The following ADGRL1 variants were observed in gnomAD, a reference collection of about 807,000 sequenced individuals.
The protein encoded by ADGRL1 is adhesion G protein-coupled receptor L1.
Under a neutral mutation model 148.9 loss-of-function variants are expected in ADGRL1, and 31 were observed. The ratio of observed to expected loss-of-function variants is 0.21; its 90% CI spans 0.16 to 0.28. The LOEUF (loss-of-function observed/expected upper bound fraction) is 0.28, where lower values mean the gene tolerates loss of function less well. Ranked by LOEUF, ADGRL1 falls within the 10% of genes least tolerant of loss-of-function variation. The probability of loss-of-function intolerance (pLI) is 1.00; values close to 1 mark genes in which losing one functional copy is unlikely to be tolerated. For missense variants in ADGRL1, 1,521 were observed against 2,058.8 expected (o/e 0.74, Z 5.05); for synonymous variants, 937 against 900.3 (o/e 1.04, Z -0.73).
rs766175127 is a variant in ADGRL1, at chr19:14,157,981, C to G, written c.2436G>C (p.Ser812=). The G allele has an allele frequency of 1.2e-6, 2 of 1,614,060 alleles. No individual in the cohort carries two copies. The highest frequency in any genetic ancestry group is 1.7e-6 in the Non-Finnish European group (2 of 1,180,032). Reference sequence around the variant, plus strand: ...ACTCCACCAGGCGGCAGCCTTGGGTCGACCAGTAGCCCAGCATGGAACGCT... The same window carrying G: ...ACTCCACCAGGCGGCAGCCTTGGGTGGACCAGTAGCCCAGCATGGAACGCT... ...YSERSMLGYW[S]TQGCRLVESN... Residue 812 remains serine (S), a synonymous_variant, in exon 13 of 23, where the codon TCG becomes TCC. Transcript: ENST00000361434. This position sits in a 1 kb window ranked among gnomAD's most constrained non-coding sequence, Gnocchi z 7.5.
At chr19:14,195,948 G>A (rs369443680) in intron 1 of ADGRL1, among the ~76,000 whole-genome samples, 36 of 152,158 alleles carry the variant, frequency 2.4e-4, no homozygotes, top group South Asian at 8.3e-4. Context: ...CTCAGGAACC[G>A]GACAGTCATC....
In ADGRL1 at chr19:14,161,606, G is replaced by A. The variant is rs998683021; in HGVS notation, c.1216C>T (p.Leu406Phe). 4 of 1,425,032 alleles carry A rather than the reference G, an allele frequency of 2.8e-6. No homozygotes were observed. Among genetic ancestry groups the A allele is most frequent in the South Asian group, 1.6e-5 (1 of 63,678 alleles). 88.3% of individuals were successfully genotyped at this position (1,425,032 alleles called of 1,614,324 possible). Reference sequence around the variant, plus strand: ...GGCCTGGCTGTGGTGGTCGTGCTGAGGGGTGGGGAAGTGGCTGGGCCTGGA... The same window carrying A: ...GGCCTGGCTGTGGTGGTCGTGCTGAAGGGTGGGGAAGTGGCTGGGCCTGGA... ...PSAGPATSPP[L>F]STTTTARPTP... The change falls in exon 6 of 23, where the codon CTC becomes TTC. Residue 406 changes from leucine (L) to phenylalanine (F), a missense_variant. By Grantham distance (22) the Leu-to-Phe change is conservative. Coordinates refer to ENST00000361434, the MANE Select transcript of ADGRL1 (RefSeq NM_014921.5). This position sits in a 1 kb window ranked among gnomAD's most constrained non-coding sequence, Gnocchi z 4.4.
intron 1 of ADGRL1, among the ~76,000 whole-genome samples, chr19:14,199,572 T>C (rs1972473184): frequency 6.6e-6 from 1 of 151,764 alleles, no homozygotes. Context: ...CCACAGGGCG[T>C]GTGCCACCGT....
chr19:14,205,051 G>A (rs543767156), intron 1 of ADGRL1, among the ~76,000 whole-genome samples: 2 of 152,202 alleles, frequency 1.3e-5, no homozygotes, highest in South Asian at 4.2e-4. Context: ...AGAGACAGGG[G>A]TGTGTGTAGC....
At chr19:14,154,913 G>A (rs1568568343) in intron 18 of ADGRL1, among the ~76,000 whole-genome samples, 1 of 152,202 alleles carries the variant, frequency 6.6e-6, no homozygotes. Context: ...CACCGTGTCC[G>A]GACTGTATGT....
rs186808924 is a variant in ADGRL1 at position 14,192,683 on chromosome 19, T to C, written c.-95-8986A>G. On this transcript the variant is annotated intron_variant, in intron 1 of 22. Transcript: ENST00000361434. ...CTCCTGCCTCAGCCTCCTGAGTAGCTGAGATTACAGTCACAGGCCACCACA... is the reference window on the plus strand; with the variant it reads ...CTCCTGCCTCAGCCTCCTGAGTAGCCGAGATTACAGTCACAGGCCACCACA... Among the ~76,000 whole-genome samples, 11 of 152,226 alleles carry C rather than the reference T, an allele frequency of 7.2e-5. No homozygotes were observed. In the East Asian group the frequency reaches 2.1e-3, roughly 29 times the overall value.
At chr19:14,169,886 C>T (rs533460005) in intron 4 of ADGRL1, 1 of 152,236 alleles carries the variant, frequency 6.6e-6, no homozygotes, top group South Asian at 2.1e-4. Flanking sequence ...GGAGGAGAGA[C>T]CTTGTCTTTG....
At chr19:14,163,455 G>T in intron 4 of ADGRL1, 49 bp from the exon 5 acceptor site, 1 of 1,259,096 alleles carries the variant, frequency 7.9e-7, no homozygotes, top group Non-Finnish European at 1.1e-6. Context: ...AGGGGCAGAG[G>T]CGAGAGGGAG....
Position 14,159,962 on chromosome 19 carries a change from C to A in ADGRL1, c.1800+150G>T, listed in dbSNP as rs1969173702. The A allele has an allele frequency of 2.0e-6, 2 of 987,150 alleles. No homozygotes were observed. The highest frequency in any genetic ancestry group is 5.2e-5 in the East Asian group (2 of 38,598). 61.1% of individuals were successfully genotyped at this position (987,150 alleles called of 1,614,324 possible). On this transcript the variant is annotated intron_variant, in intron 8 of 22. Coordinates refer to ENST00000361434, the MANE Select transcript of ADGRL1 (RefSeq NM_014921.5). The surrounding 1 kb of genome is among the most constrained non-coding windows in gnomAD (Gnocchi z 6.0). ...GGGGCAGCACAGGAGTGAGACCCGG[C>A]AGTCCTTGGCGGAGAGGGGGGGGTC...
intron 18 of ADGRL1, among the ~76,000 whole-genome samples, chr19:14,153,644 T>A (rs1424670449): frequency 7.1e-6 from 1 of 140,148 alleles, no homozygotes; most frequent in African/African-American, 2.6e-5. Flanking sequence ...GCCAGACTGG[T>A]TGTGATTTTA....
At chr19:14,198,801 G>C (rs67741558) in intron 1 of ADGRL1, among the ~76,000 whole-genome samples, 23,034 of 151,786 alleles carry the variant, frequency 0.15, 1,885 homozygotes, top group South Asian at 0.3. Context: ...CCCCCTCCAG[G>C]TTGCAGCTGG....
rs750686435 is a variant in ADGRL1, at chr19:14,174,534, CA to C, written c.284+2996del. ...GACCCGCTCCTCCCCTGGTAACACACATTTTTTTTTTTTTTTTTTGAGACAG... is the reference window on the plus strand; with the variant it reads ...GACCCGCTCCTCCCCTGGTAACACACTTTTTTTTTTTTTTTTTTGAGACAG... On this transcript the variant is annotated intron_variant, in intron 3 of 22. Coordinates refer to ENST00000361434, the MANE Select transcript of ADGRL1 (RefSeq NM_014921.5). Among the ~76,000 whole-genome samples, 83 of 142,630 alleles carry C rather than the reference CA, an allele frequency of 5.8e-4. 10 individuals are homozygous for C. The highest frequency in any genetic ancestry group is 7.4e-3 in the Middle Eastern group (2 of 272). 93.6% of individuals were successfully genotyped at this position (142,630 alleles called of 152,430 possible). A position where few individuals can be genotyped will look rare whatever the true frequency, so the allele number is the denominator to read the frequency against.
At chr19:14,164,022 T>G (rs556202259) in intron 4 of ADGRL1, among the ~76,000 whole-genome samples, 1 of 151,802 alleles carries the variant, frequency 6.6e-6, no homozygotes, top group South Asian at 2.1e-4. Flanking sequence ...CCACTGTGGG[T>G]GTCAGGAGTG....
rs780129515 is a variant in ADGRL1 at position 14,161,555 on chromosome 19, G to C, written c.1267C>G (p.Pro423Ala). 1 of 1,455,924 alleles carries C rather than the reference G, an allele frequency of 6.9e-7. No individual in the cohort carries two copies. The highest frequency in any genetic ancestry group is 1.5e-5 in the African/African-American group (1 of 68,282). The allele number at this position is 1,455,924 out of a possible 1,614,324, so 90.2% of individuals were successfully genotyped here. A position where few individuals can be genotyped will look rare whatever the true frequency, so the allele number is the denominator to read the frequency against. Reference sequence around the variant, plus strand: ...CGGCGGAGCGGGGTGGTGGCTGCGGGCGAGGCTGTGCTGGTGAGGGGCGTG... The same window carrying C: ...CGGCGGAGCGGGGTGGTGGCTGCGGCCGAGGCTGTGCTGGTGAGGGGCGTG... ...RPTPLTSTAS[P>A]AATTPLRRAP... The change falls in exon 6 of 23, where the codon CCC becomes GCC. Residue 423 changes from proline (P) to alanine (A), a missense_variant. Transcript: ENST00000361434. The surrounding 1 kb of genome is among the most constrained non-coding windows in gnomAD (Gnocchi z 4.4).
chr19:14,175,404 CCCAT>C (rs1970752158), intron 3 of ADGRL1, among the ~76,000 whole-genome samples: 2 of 150,024 alleles, frequency 1.3e-5, no homozygotes, highest in Non-Finnish European at 3.0e-5. Flanking sequence ...CACACGTGCA[CCCAT>C]CCACCTCACC....
chr19:14,161,943 G>A lies in ADGRL1; in HGVS notation c.1196-317C>T, dbSNP rs1042756416. 2.6e-5 allele frequency among the ~76,000 whole-genome samples: 4 copies of A among 152,140 alleles called. No individual in the cohort carries two copies. The highest frequency in any genetic ancestry group is 7.2e-5 in the African/African-American group (3 of 41,420). ...ACAGGAATCCTCCCAGGTTGAGCCC[G>A]AGGGCAGGAGCCCTCCCCAATCCAG... On this transcript the variant is annotated intron_variant, in intron 5 of 22. Transcript: ENST00000361434. The surrounding 1 kb of genome is among the most constrained non-coding windows in gnomAD (Gnocchi z 4.4).
rs71170598 is a variant in ADGRL1 at position 14,149,922 on chromosome 19, C to CTTTTTTT, written c.*944_*950dup. 8.1e-6 allele frequency: 1 copy of CTTTTTTT among 122,720 alleles called. No individual in the cohort carries two copies. Among genetic ancestry groups the CTTTTTTT allele is most frequent in the Non-Finnish European group, 1.7e-5 (1 of 57,782 alleles). The allele number at this position is 122,720 out of a possible 1,614,324, so 7.6% of individuals were successfully genotyped here. On this transcript the variant is annotated 3_prime_UTR_variant, in exon 23 of 23. Coordinates refer to ENST00000361434, the MANE Select transcript of ADGRL1 (RefSeq NM_014921.5). ...CAAGTGATGAGATTTTTTTTCTTTT[C>CTTTTTTT]TTTTTTTTTTTTTTTGTCTTTTTTT... is the stretch of plus-strand genomic sequence containing the variant.
At position 14,161,255 on chromosome 19, in the gene ADGRL1, C is replaced by T. The variant is rs1969337830; in HGVS notation, c.1510+57G>A. The T allele has an allele frequency of 1.4e-6, 2 of 1,472,722 alleles. No homozygotes were observed. The highest frequency in any genetic ancestry group is 1.8e-6 in the Non-Finnish European group (2 of 1,112,522). 91.2% of individuals were successfully genotyped at this position (1,472,722 alleles called of 1,614,324 possible). A position where few individuals can be genotyped will look rare whatever the true frequency, so the allele number is the denominator to read the frequency against. On this transcript the variant is annotated intron_variant, in intron 6 of 22. Coordinates refer to ENST00000361434, the MANE Select transcript of ADGRL1 (RefSeq NM_014921.5). This position sits in a 1 kb window ranked among gnomAD's most constrained non-coding sequence, Gnocchi z 4.4. The stretch of plus-strand genomic sequence containing the variant: ...ACCCCCACCCACACATGCATCTGTG[C>T]TAAGCTGCTGGGGGCATGGCCCCCA...
chr19:14,165,676 G>A (rs1236647767), intron 4 of ADGRL1, among the ~76,000 whole-genome samples: 2 of 151,728 alleles, frequency 1.3e-5, no homozygotes, highest in African/African-American at 2.4e-5. Context: ...GGTGCTGGGA[G>A]GGAGAGAGAC....
Sources: gnomAD v4.1 joint callset for allele counts (sites outside exome capture counted in the v4.1 genomes callset) on GRCh38, gnomAD v4.1.1 for gene constraint, Gnocchi (gnomAD v3.1) non-coding constraint, MANE v1.5 for transcripts, NCBI Gene and HGNC (gene_info 2026-07-23, HGNC 2026-07-21) for gene names.